Variants in TBX6 observed in about 807,000 individuals in gnomAD.
TBX6 encodes T-box transcription factor 6, also known as T-box transcription factor TBX6.
A neutral mutation model predicts 42.3 loss-of-function variants in TBX6; 29 were observed. The ratio of observed to expected loss-of-function variants is 0.69; its 90% CI spans 0.51 to 0.93. TBX6 has a LOEUF of 0.93. Among genes scored for constraint, TBX6 ranks in the 40% least tolerant of loss-of-function variants. The pLI, the probability that TBX6 is intolerant of heterozygous loss-of-function variation, is 0.00. For synonymous variants in TBX6, 249 were observed against 245.1 expected (o/e 1.02, Z -0.15); for missense variants, 569 against 603.3 (o/e 0.94, Z 0.59).
Position 30,086,986 on chromosome 16 carries a change from G to A in TBX6, c.840-135C>T, listed in dbSNP as rs2072644646. On this transcript the variant is annotated intron_variant, in intron 6 of 8. Coordinates refer to ENST00000395224, the MANE Select transcript of TBX6 (RefSeq NM_004608.4). This position sits in a 1 kb window ranked among gnomAD's most constrained non-coding sequence, Gnocchi z 4.6. ...GGGCCATCATTATACCCATTTTATA[G>A]ATGAAGAAACTGAAGGCCAGAAAAT... is the stretch of plus-strand genomic sequence containing the variant. 3 of 997,310 alleles carry A rather than the reference G, an allele frequency of 3.0e-6. No individual in the cohort carries two copies. Among genetic ancestry groups the A allele is most frequent in the African/African-American group, 1.6e-5 (1 of 61,108 alleles). The allele number at this position is 997,310 out of a possible 1,614,324, so 61.8% of individuals were successfully genotyped here.
In TBX6 at chr16:30,086,734, C is replaced by A. The variant is rs1371285648; in HGVS notation, c.914-39G>T. ...AGGGAGAGGTTGGGCTAGGGAGGATCCCTGTCTCAGGCCTGGCCCCATCGC... is the reference window on the plus strand; with the variant it reads ...AGGGAGAGGTTGGGCTAGGGAGGATACCTGTCTCAGGCCTGGCCCCATCGC... On this transcript the variant is annotated intron_variant, in intron 7 of 8. Coordinates refer to ENST00000395224, the MANE Select transcript of TBX6 (RefSeq NM_004608.4). This position sits in a 1 kb window ranked among gnomAD's most constrained non-coding sequence, Gnocchi z 4.6. 1.2e-6 allele frequency: 2 copies of A among 1,613,240 alleles called. No homozygotes were observed. Among genetic ancestry groups the A allele is most frequent in the African/African-American group, 2.7e-5 (2 of 74,990 alleles).
intron 6 of TBX6, among the ~76,000 whole-genome samples, chr16:30,087,764 C>A (rs1261913807): frequency 1.3e-5 from 2 of 152,132 alleles, no homozygotes; most frequent in Non-Finnish European, 2.9e-5. Context: ...ACCTGGCTCC[C>A]TCCCGTACTT....
rs1003173890 is a variant in TBX6, at chr16:30,086,061, A to AG, written c.*163dup. ...AGCCTTGGTTAGGCTTTGAAGCCAG[A>AG]GGGGGGTGGGAGTGAAATCAAGGTG... is the stretch of plus-strand genomic sequence containing the variant. On this transcript the variant is annotated 3_prime_UTR_variant, in exon 9 of 9. Coordinates refer to ENST00000395224, the MANE Select transcript of TBX6 (RefSeq NM_004608.4). The surrounding 1 kb of genome is among the most constrained non-coding windows in gnomAD (Gnocchi z 4.6). The AG allele has an allele frequency of 2.1e-5, 11 of 516,830 alleles. 1 individual carries two copies. Among genetic ancestry groups the AG allele is most frequent in the Non-Finnish European group, 3.3e-5 (11 of 329,676 alleles). 32.0% of individuals were successfully genotyped at this position (516,830 alleles called of 1,614,324 possible).
rs765061726 is a variant in TBX6 at position 30,086,188 on chromosome 16, G to A, written c.*37C>T. On this transcript the variant is annotated 3_prime_UTR_variant, in exon 9 of 9. Transcript: ENST00000395224. The surrounding 1 kb of genome is among the most constrained non-coding windows in gnomAD (Gnocchi z 4.6). ...CTCCAGGGCTGGGGGAAGGGAGCGGGAGGTTTGTGATGGAGGCAGAGGGGC... is the reference window on the plus strand; with the variant it reads ...CTCCAGGGCTGGGGGAAGGGAGCGGAAGGTTTGTGATGGAGGCAGAGGGGC... The A allele has an allele frequency of 1.9e-5, 30 of 1,601,736 alleles. 1 individual carries two copies. In the South Asian group the frequency reaches 2.3e-4, roughly 12 times the overall value.
intron 1 of TBX6, 50 bp from the exon 2 acceptor site, chr16:30,091,291 G>A: frequency 9.7e-7 from 1 of 1,034,232 alleles, no homozygotes; most frequent in South Asian, 1.7e-5. Flanking sequence ...TCCAGATCCA[G>A]GATCACAGCC....
At position 30,086,370 on chromosome 16, in the gene TBX6, A is replaced by G; in HGVS notation, c.1166T>C (p.Leu389Pro). 3.2e-6 allele frequency: 5 copies of G among 1,577,826 alleles called. No homozygotes were observed. Among genetic ancestry groups the G allele is most frequent in the Non-Finnish European group, 4.3e-6 (5 of 1,169,660 alleles). ...CCCGGAGCCCCCTGACCCGTGCGGC[A>G]GCTCCAGAAATGCAGCCGAGTAGGG... is the stretch of plus-strand genomic sequence containing the variant. ...SAPYSAAFLELPHGSGGSGYP... is the reference protein window; with the variant it reads ...SAPYSAAFLEPPHGSGGSGYP... The change falls in exon 9 of 9, where the codon CTG (leucine) becomes CCG (proline). Residue 389 changes from leucine to proline, a missense_variant. By Grantham distance (98) the Leu-to-Pro change is moderately conservative (BLOSUM62 -3). Around this residue, in one of 3 missense-constraint regions of TBX6, gnomAD observed 245 missense variants for 227.4 expected, o/e 1.08. Coordinates refer to ENST00000395224, the MANE Select transcript of TBX6 (RefSeq NM_004608.4). This position sits in a 1 kb window ranked among gnomAD's most constrained non-coding sequence, Gnocchi z 4.6.
chr16:30,090,846 G>GT lies in TBX6; in HGVS notation c.264_265insA (p.Pro89ThrfsTer82). 6.2e-7 allele frequency: 1 copy of GT among 1,604,708 alleles called. No homozygotes were observed. The highest frequency in any genetic ancestry group is 2.2e-5 in the East Asian group (1 of 44,798). On this transcript the variant is annotated frameshift_variant, in exon 3 of 9. Transcript: ENST00000395224. LOFTEE classifies it high-confidence loss of function. ...TTCTCCAGGCTCAGGCTGACCCCCGGGAGGGAATGGAGGGCCTCTGGAGCT... is the reference window on the plus strand; with the variant it reads ...TTCTCCAGGCTCAGGCTGACCCCCGGTGAGGGAATGGAGGGCCTCTGGAGCT...
intron 6 of TBX6, among the ~76,000 whole-genome samples, chr16:30,087,113 A>AT (rs2072647200): frequency 6.6e-6 from 1 of 152,144 alleles, no homozygotes; most frequent in South Asian, 2.1e-4. Flanking sequence ...TCCCAGTGGC[A>AT]AGGCCAGGGC....
chr16:30,091,539 T>G, intron 1 of TBX6: 3 of 216,518 alleles, frequency 1.4e-5, no homozygotes, highest in Non-Finnish European at 2.8e-5. Context: ...CTGGTCCCCG[T>G]TCCCACGGTG....
chr16:30,090,716 A>C, intron 3 of TBX6, 42 bp downstream of exon 3: 3 of 1,585,950 alleles, frequency 1.9e-6, no homozygotes, highest in Non-Finnish European at 2.6e-6. Flanking sequence ...GCCTTTCCCA[A>C]GAGACCCCCA....
rs747492759 is a variant in TBX6, at chr16:30,088,392, A to C, written c.839+153T>G. 1.9e-6 allele frequency: 2 copies of C among 1,078,482 alleles called. No individual in the cohort carries two copies. Among genetic ancestry groups the C allele is most frequent in the Non-Finnish European group, 2.7e-6 (2 of 730,224 alleles). The allele number at this position is 1,078,482 out of a possible 1,614,324, so 66.8% of individuals were successfully genotyped here. A position where few individuals can be genotyped will look rare whatever the true frequency, so the allele number is the denominator to read the frequency against. ...TCCAGTGCCTGGAACTGTCCCTGGC[A>C]CATAGCAGGTACTATATAAGTATTT... On this transcript the variant is annotated intron_variant, in intron 6 of 8. Transcript: ENST00000395224. The surrounding 1 kb of genome is among the most constrained non-coding windows in gnomAD (Gnocchi z 4.1).
intron 2 of TBX6, 24 bp downstream of exon 2, chr16:30,091,052 C>G: frequency 6.3e-7 from 1 of 1,589,368 alleles, no homozygotes; most frequent in Non-Finnish European, 8.6e-7. Context: ...ATTCTCCTAC[C>G]CAGGAGCTGG....
At position 30,086,583 on chromosome 16, in the gene TBX6, A is replaced by G; in HGVS notation, c.1026T>C (p.Gly342=). The G allele has an allele frequency of 6.4e-7, 1 of 1,560,106 alleles. No individual in the cohort carries two copies. The highest frequency in any genetic ancestry group is 1.2e-5 in the South Asian group (1 of 84,684). The part of the protein sequence containing the change: ...EATAAPAPLC[G]GPSAEAYLLH... ...GGAGGTAGGCCTCAGCACTGGGGCC[A>G]CCACACAGAGGTGCCGGGGCAGCGG... Residue 342 remains glycine, a synonymous_variant, in exon 8 of 9, where the codon GGT becomes GGC. Transcript: ENST00000395224. The surrounding 1 kb of genome is among the most constrained non-coding windows in gnomAD (Gnocchi z 4.6).
In TBX6 at chr16:30,089,190, C is replaced by T. The variant is rs575024247; in HGVS notation, c.374G>A (p.Arg125Gln). Reference sequence around the variant, plus strand: ...GGGGTCCAGGCCAGTGACTGACACTCGGCAGGCAGGGAACATGCGCCTGTG... The same window carrying T: ...GGGGTCCAGGCCAGTGACTGACACTTGGCAGGCAGGGAACATGCGCCTGTG... Reference protein sequence around the residue: ...KAGRRMFPACRVSVTGLDPEA... With the variant: ...KAGRRMFPACQVSVTGLDPEA... Residue 125 changes from arginine (R) to glutamine (Q), a missense_variant, in exon 4 of 9, where the codon CGA becomes CAA. By Grantham distance (43) the Arg-to-Gln change is conservative. Transcript: ENST00000395224. 18 of 1,613,734 alleles carry T rather than the reference C, an allele frequency of 1.1e-5. No homozygotes were observed. Among genetic ancestry groups the T allele is most frequent in the Admixed American group, 1.7e-5 (1 of 60,012 alleles).
In TBX6 at chr16:30,088,418, G is replaced by T; in HGVS notation, c.839+127C>A. On this transcript the variant is annotated intron_variant, in intron 6 of 8. Coordinates refer to ENST00000395224, the MANE Select transcript of TBX6 (RefSeq NM_004608.4). The surrounding 1 kb of genome is among the most constrained non-coding windows in gnomAD (Gnocchi z 4.1). ...CATAGCAGGTACTATATAAGTATTT[G>T]CTGAGTCAGTGAATGAATGTTTTCA... 2 of 1,299,566 alleles carry T rather than the reference G, an allele frequency of 1.5e-6. No homozygotes were observed. The highest frequency in any genetic ancestry group is 2.2e-6 in the Non-Finnish European group (2 of 911,292). 80.5% of individuals were successfully genotyped at this position (1,299,566 alleles called of 1,614,324 possible).
At chr16:30,087,168 CCT>C (rs769939540) in intron 6 of TBX6, among the ~76,000 whole-genome samples, 56 of 152,278 alleles carry the variant, frequency 3.7e-4, no homozygotes, top group Non-Finnish European at 7.4e-4. Flanking sequence ...CCACTCTCAG[CCT>C]CTCTCTGGAA....
Position 30,091,175 on chromosome 16 carries a change from A to G in TBX6, c.19T>C (p.Leu7=), listed in dbSNP as rs762940795. The change falls in exon 2 of 9, where the codon TTG becomes CTG. Residue 7 remains leucine (L), a synonymous_variant. Transcript: ENST00000395224. MYHPRE[L]YPSLGAGYRL... ...TAGCCGGCCCCCAGGGACGGGTACA[A>G]TTCTCGTGGATGGTACATGTTGTAG... is the stretch of plus-strand genomic sequence containing the variant. 1.9e-6 allele frequency: 3 copies of G among 1,587,216 alleles called. No homozygotes were observed. The highest frequency in any genetic ancestry group is 1.8e-5 in the Admixed American group (1 of 55,682).
chr16:30,089,932 C>CA lies in TBX6; in HGVS notation c.354-723dup, dbSNP rs34629735. Among the ~76,000 whole-genome samples, 510 of 97,340 alleles carry CA rather than the reference C, an allele frequency of 5.2e-3. 5 individuals are homozygous for CA. The highest frequency in any genetic ancestry group is 0.015 in the African/African-American group (355 of 24,080). 63.9% of individuals were successfully genotyped at this position (97,340 alleles called of 152,430 possible). The stretch of plus-strand genomic sequence containing the variant: ...TGGGCAACAGAGCGAGACTCCATCT[C>CA]AAAAAAAAAAAAAAAAAAAAAAAGA... On this transcript the variant is annotated intron_variant, in intron 3 of 8. Coordinates refer to ENST00000395224, the MANE Select transcript of TBX6 (RefSeq NM_004608.4).
Position 30,086,992 on chromosome 16 carries a change from G to A in TBX6, c.840-141C>T. ...TCATTATACCCATTTTATAGATGAA[G>A]AAACTGAAGGCCAGAAAATTAAATA... On this transcript the variant is annotated intron_variant, in intron 6 of 8. Coordinates refer to ENST00000395224, the MANE Select transcript of TBX6 (RefSeq NM_004608.4). This position sits in a 1 kb window ranked among gnomAD's most constrained non-coding sequence, Gnocchi z 4.6. 1 of 910,998 alleles carries A rather than the reference G, an allele frequency of 1.1e-6. No individual in the cohort carries two copies. Among genetic ancestry groups the A allele is most frequent in the Non-Finnish European group, 1.6e-6 (1 of 616,378 alleles). 56.4% of individuals were successfully genotyped at this position (910,998 alleles called of 1,614,324 possible).
Sources: allele counts gnomAD v4.1 joint callset (sites outside exome capture counted in the v4.1 genomes callset), GRCh38; gene constraint gnomAD v4.1.1; regional missense constraint gnomAD v4.1.1; non-coding constraint Gnocchi (gnomAD v3.1); transcripts MANE v1.5; gene names NCBI Gene and HGNC (gene_info 2026-07-23, HGNC 2026-07-21).